The following CNTNAP2 variants were observed in gnomAD, a reference collection of about 807,000 sequenced individuals.
CNTNAP2 encodes contactin-associated protein-like 2.
CNTNAP2 carries 98 observed loss-of-function variants against 155.2 expected under a neutral mutation model. That is an observed-to-expected ratio of 0.63 (90% CI 0.54 to 0.75). The LOEUF (loss-of-function observed/expected upper bound fraction) is 0.75. CNTNAP2 is among the 30% of genes least tolerant of loss of function. The probability of loss-of-function intolerance (pLI) is 0.00; values close to 1 mark genes in which losing one functional copy is unlikely to be tolerated. For synonymous variants in CNTNAP2, 651 were observed against 631.2 expected (o/e 1.03, Z -0.47); for missense variants, 1,727 against 1,688.1 (o/e 1.02, Z -0.40).
intron 13 of CNTNAP2, among the ~76,000 whole-genome samples, chr7:147,706,340 C>T (rs1234711044): frequency 6.6e-6 from 1 of 151,962 alleles, no homozygotes; most frequent in South Asian, 2.1e-4. Flanking sequence ...GAATTCCTTC[C>T]ACTTTCACTT....
intron 8 of CNTNAP2, among the ~76,000 whole-genome samples, chr7:147,298,970 C>G (rs1460006640): frequency 6.6e-6 from 1 of 152,182 alleles, no homozygotes; most frequent in Non-Finnish European, 1.5e-5. Flanking sequence ...GAGCTTGGAG[C>G]CTTGATCTGT....
At chr7:147,591,539 G>A (rs1800734401) in intron 12 of CNTNAP2, among the ~76,000 whole-genome samples, 2 of 152,228 alleles carry the variant, frequency 1.3e-5, no homozygotes, top group African/African-American at 4.8e-5. Context: ...CAGCACATGA[G>A]TATCTTCTAA....
At chr7:147,344,208 GC>G (rs1795809964) in intron 9 of CNTNAP2, among the ~76,000 whole-genome samples, 1 of 152,090 alleles carries the variant, frequency 6.6e-6, no homozygotes, top group Non-Finnish European at 1.5e-5. Context: ...GAATCATCAA[GC>G]AGTCATGTTG....
At chr7:148,402,443 C>T (rs1437509556) in intron 22 of CNTNAP2, among the ~76,000 whole-genome samples, 1 of 152,176 alleles carries the variant, frequency 6.6e-6, no homozygotes, top group Non-Finnish European at 1.5e-5. Flanking sequence ...AAATCGCTCC[C>T]TCCCAAAAAT....
At chr7:147,138,062 C>T (rs1801523605) in intron 8 of CNTNAP2, among the ~76,000 whole-genome samples, 1 of 151,738 alleles carries the variant, frequency 6.6e-6, no homozygotes, top group Non-Finnish European at 1.5e-5. Context: ...CATACTTTTA[C>T]AAAATAAGTG....
At chr7:147,744,249 A>G (rs1359022622) in intron 13 of CNTNAP2, among the ~76,000 whole-genome samples, 3 of 152,152 alleles carry the variant, frequency 2.0e-5, no homozygotes. Flanking sequence ...GCCCCTTTTT[A>G]CAAGGTATAT....
At chr7:146,654,497 T>C (rs1799964009) in intron 1 of CNTNAP2, among the ~76,000 whole-genome samples, 1 of 152,150 alleles carries the variant, frequency 6.6e-6, no homozygotes, top group Non-Finnish European at 1.5e-5. Flanking sequence ...ATGAAAGCAA[T>C]TGCAGTTAGA....
At chr7:146,501,312 G>T (rs867351649) in intron 1 of CNTNAP2, among the ~76,000 whole-genome samples, 66 of 152,014 alleles carry the variant, frequency 4.3e-4, no homozygotes, top group African/African-American at 1.5e-3. Context: ...TAAACATTTG[G>T]TAGAATTCAC....
At chr7:146,757,130 T>C (rs1802008269) in intron 1 of CNTNAP2, among the ~76,000 whole-genome samples, 1 of 152,116 alleles carries the variant, frequency 6.6e-6, no homozygotes, top group Non-Finnish European at 1.5e-5. Context: ...TGCGATGACA[T>C]AAGCAGACAG....
At chr7:147,324,802 A>G (rs2620467) in intron 9 of CNTNAP2, among the ~76,000 whole-genome samples, 74,572 of 151,674 alleles carry the variant, frequency 0.49, 19,488 homozygotes, top group East Asian at 0.73. Context: ...TTTTTGTTTT[A>G]AGTACTCTAT....
chr7:148,127,289 A>AAAAT lies in CNTNAP2; in HGVS notation c.2554+9016_2554+9019dup, dbSNP rs545016634. 1.6e-3 allele frequency among the ~76,000 whole-genome samples: 241 copies of AAAAT among 152,258 alleles called. 1 individual carries two copies. Among genetic ancestry groups the AAAAT allele is most frequent in the African/African-American group, 5.4e-3 (226 of 41,538 alleles). On this transcript the variant is annotated intron_variant, in intron 16 of 23. Transcript: ENST00000361727. ...AGGTGACAGAGCAAGACCCTATCTC[A>AAAAT]AAATAAATAAATAAATAAGATTTTA... is the stretch of plus-strand genomic sequence containing the variant.
chr7:147,509,166 T>C (rs1000267864), intron 11 of CNTNAP2, among the ~76,000 whole-genome samples: 2 of 152,164 alleles, frequency 1.3e-5, no homozygotes, highest in Non-Finnish European at 2.9e-5. Context: ...TCTTCATTAC[T>C]CAGCTCAAGT....
intron 15 of CNTNAP2, among the ~76,000 whole-genome samples, chr7:148,009,820 A>G (rs12534895): frequency 0.11 from 16,124 of 152,100 alleles, 1,195 homozygotes; most frequent in East Asian, 0.24. Flanking sequence ...TCACATGACT[A>G]TACTACACTT....
At chr7:148,273,676 G>C (rs1796823262) in intron 21 of CNTNAP2, among the ~76,000 whole-genome samples, 2 of 152,178 alleles carry the variant, frequency 1.3e-5, no homozygotes, top group African/African-American at 4.8e-5. Context: ...TTGCTTGGCT[G>C]ATCATTGCTG....
intron 3 of CNTNAP2, among the ~76,000 whole-genome samples, chr7:147,025,886 A>G (rs887984827): frequency 2.7e-5 from 4 of 148,724 alleles, no homozygotes; most frequent in African/African-American, 5.0e-5. Context: ...ATATTTTTTA[A>G]TTTGTTGAGA....
chr7:147,949,459 T>TATATATATATATA (rs1554453475), intron 14 of CNTNAP2, among the ~76,000 whole-genome samples: 5 of 129,786 alleles, frequency 3.9e-5, no homozygotes, highest in Non-Finnish European at 6.5e-5. Context: ...TATATATATA[T>TATATATATATATA]TTTTTTTTTT....
chr7:147,992,557 G>T (rs1193819320), intron 15 of CNTNAP2, among the ~76,000 whole-genome samples: 2 of 152,176 alleles, frequency 1.3e-5, no homozygotes, highest in Admixed American at 1.3e-4. Flanking sequence ...AAGAAGAAAA[G>T]GGGACTCCTG....
chr7:146,790,736 A>AT (rs1802656644), intron 2 of CNTNAP2, among the ~76,000 whole-genome samples: 1 of 151,810 alleles, frequency 6.6e-6, no homozygotes, highest in Non-Finnish European at 1.5e-5. Context: ...CGCCTGGCTA[A>AT]TTTTTTGTAT....
chr7:147,080,170 C>T (rs966213842), intron 4 of CNTNAP2, among the ~76,000 whole-genome samples: 1 of 152,070 alleles, frequency 6.6e-6, no homozygotes, highest in Admixed American at 6.6e-5. Context: ...TAAACTTGAT[C>T]CTTTGGATTT....
Sources: gnomAD v4.1 joint callset for allele counts (sites outside exome capture counted in the v4.1 genomes callset) on GRCh38, gnomAD v4.1.1 for gene constraint, MANE v1.5 for transcripts, NCBI Gene and HGNC (gene_info 2026-07-23, HGNC 2026-07-21) for gene names.